STK39: variants seen among roughly 807,000 people sequenced by gnomAD.
The protein encoded by STK39 is serine/threonine kinase 39, also known as STE20/SPS1-related proline-alanine-rich protein kinase.
Under a neutral mutation model 77.8 loss-of-function variants are expected in STK39, and 20 were observed. The ratio of observed to expected loss-of-function variants is 0.26; its 90% CI spans 0.18 to 0.37. The LOEUF (loss-of-function observed/expected upper bound fraction) is 0.37. Ranked by LOEUF, STK39 falls within the 10% of genes least tolerant of loss-of-function variation. The pLI, the probability that STK39 is intolerant of heterozygous loss-of-function variation, is 1.00. For missense variants in STK39, 479 were observed against 656.5 expected, an observed-to-expected ratio of 0.73 and a Z score of 2.95; for synonymous variants, 246 against 234.1, an observed-to-expected ratio of 1.05 and a Z score of -0.47.
intron 10 of STK39, among the ~76,000 whole-genome samples, chr2:168,080,742 A>G (rs1275328371): frequency 6.6e-6 from 1 of 152,168 alleles, no homozygotes; most frequent in Non-Finnish European, 1.5e-5. Flanking sequence ...AGCAGGAAAA[A>G]AATGGTTTCT....
intron 16 of STK39, among the ~76,000 whole-genome samples, chr2:168,001,494 G>A (rs1412918388): frequency 6.9e-6 from 1 of 144,110 alleles, no homozygotes; most frequent in Non-Finnish European, 1.5e-5. Context: ...GCTTTCTTAG[G>A]ATTGGCAAGA....
intron 10 of STK39, among the ~76,000 whole-genome samples, chr2:168,129,012 A>G (rs1687613977): frequency 6.6e-6 from 1 of 152,214 alleles, no homozygotes; most frequent in Admixed American, 6.5e-5. Flanking sequence ...CATACATGCC[A>G]TTTTAGAAAT....
intron 16 of STK39, among the ~76,000 whole-genome samples, chr2:168,004,834 A>C (rs1009409363): frequency 4.6e-5 from 7 of 151,884 alleles, no homozygotes; most frequent in Admixed American, 3.3e-4. Flanking sequence ...ACAAATTTCC[A>C]CACTCTATGC....
At chr2:168,011,293 T>C (rs1308884097) in intron 16 of STK39, among the ~76,000 whole-genome samples, 2 of 152,060 alleles carry the variant, frequency 1.3e-5, no homozygotes, top group South Asian at 4.1e-4. Flanking sequence ...AGTGAGACCC[T>C]GTCTCAAAAA....
At chr2:168,006,691 C>T (rs1285808696) in intron 16 of STK39, among the ~76,000 whole-genome samples, 1 of 152,208 alleles carries the variant, frequency 6.6e-6, no homozygotes, top group Non-Finnish European at 1.5e-5. Flanking sequence ...AACCAACACC[C>T]ACCCGCGAGG....
intron 16 of STK39, among the ~76,000 whole-genome samples, chr2:167,977,753 G>T (rs1683318062): frequency 6.6e-6 from 1 of 152,108 alleles, no homozygotes; most frequent in South Asian, 2.1e-4. Context: ...AGGGTGTATG[G>T]CTGTAACTGC....
At chr2:168,018,528 G>A (rs1045605514) in intron 14 of STK39, among the ~76,000 whole-genome samples, 905 of 85,382 alleles carry the variant, frequency 0.011, 15 homozygotes, top group African/African-American at 0.048. Flanking sequence ...AGAAAAGAAA[G>A]AAAAGAAAGA....
At chr2:168,088,530 C>A (rs1490779127) in intron 10 of STK39, among the ~76,000 whole-genome samples, 1 of 152,188 alleles carries the variant, frequency 6.6e-6, no homozygotes, top group African/African-American at 2.4e-5. Context: ...CACTGTTGAT[C>A]AGAGTGTGAG....
chr2:168,005,494 T>C (rs1684109114), intron 16 of STK39, among the ~76,000 whole-genome samples: 1 of 152,192 alleles, frequency 6.6e-6, no homozygotes. Context: ...ATCCAAATCA[T>C]CAATTCATGC....
intron 16 of STK39, among the ~76,000 whole-genome samples, chr2:167,996,592 A>C (rs1683846258): frequency 6.6e-6 from 1 of 152,142 alleles, no homozygotes; most frequent in Non-Finnish European, 1.5e-5. Context: ...TCGGTGGGTC[A>C]AGTTCATGGT....
chr2:168,236,216 C>T (rs1690603017), intron 1 of STK39, among the ~76,000 whole-genome samples: 1 of 152,210 alleles, frequency 6.6e-6, no homozygotes, highest in Non-Finnish European at 1.5e-5. Context: ...CGATGATGAG[C>T]ATTTTTTCAT....
chr2:168,211,977 T>C (rs976050383), intron 1 of STK39, among the ~76,000 whole-genome samples: 1 of 152,218 alleles, frequency 6.6e-6, no homozygotes, highest in Non-Finnish European at 1.5e-5. Context: ...AAAAATGACT[T>C]ACTGATCATT....
At chr2:168,187,512 T>G (rs528235334) in intron 1 of STK39, among the ~76,000 whole-genome samples, 1 of 152,314 alleles carries the variant, frequency 6.6e-6, no homozygotes, top group African/African-American at 2.4e-5. Context: ...GCTACTTCAC[T>G]CATAGAGTGG....
chr2:168,077,299 C>CT (rs908660764), intron 10 of STK39, among the ~76,000 whole-genome samples: 9 of 152,242 alleles, frequency 5.9e-5, no homozygotes, highest in African/African-American at 2.2e-4. Context: ...AGTTTACGTC[C>CT]TTTCCCCCTC....
chr2:168,083,750 G>A (rs1281825033), intron 10 of STK39, among the ~76,000 whole-genome samples: 1 of 151,992 alleles, frequency 6.6e-6, no homozygotes, highest in Non-Finnish European at 1.5e-5. Flanking sequence ...AAATGGCTAA[G>A]AGCAAGGCTG....
intron 15 of STK39, among the ~76,000 whole-genome samples, chr2:168,014,575 T>A (rs1481901706): frequency 6.7e-6 from 1 of 150,326 alleles, no homozygotes; most frequent in East Asian, 1.9e-4. Context: ...GAGGCTCTAC[T>A]CTGAACATGA....
At chr2:168,140,948 C>T (rs1687965962) in intron 5 of STK39, among the ~76,000 whole-genome samples, 190 bp from the exon 6 acceptor site, 1 of 152,066 alleles carries the variant, frequency 6.6e-6, no homozygotes, top group Admixed American at 6.5e-5. Context: ...TTGGAGAATA[C>T]CATCGCTGGT....
intron 16 of STK39, among the ~76,000 whole-genome samples, chr2:167,989,288 G>A (rs1265214387): frequency 6.6e-6 from 1 of 152,076 alleles, no homozygotes; most frequent in Non-Finnish European, 1.5e-5. Context: ...TTGGTGAATG[G>A]GGGACTACAC....
At chr2:168,080,034 G>T (rs1686186427) in intron 10 of STK39, among the ~76,000 whole-genome samples, 1 of 152,134 alleles carries the variant, frequency 6.6e-6, no homozygotes, top group African/African-American at 2.4e-5. Flanking sequence ...GCAGCTTACA[G>T]TAGGGCCTCA....
Sources: allele counts gnomAD v4.1 joint callset (sites outside exome capture counted in the v4.1 genomes callset), GRCh38; gene constraint gnomAD v4.1.1; transcripts MANE v1.5; gene names NCBI Gene and HGNC (gene_info 2026-07-23, HGNC 2026-07-21).